ASRGL1: variants seen among roughly 807,000 people sequenced by gnomAD.
ASRGL1 encodes isoaspartyl peptidase/L-asparaginase.
In ASRGL1, 16 loss-of-function variants were observed where a neutral mutation model predicts 22.4. That is an observed-to-expected ratio of 0.71 (90% CI 0.48 to 1.08). The LOEUF (loss-of-function observed/expected upper bound fraction) is 1.08, where lower values mean the gene tolerates loss of function less well. Among genes scored for constraint, ASRGL1 ranks in the 50% least tolerant of loss-of-function variants. The pLI is 0.00. For synonymous variants in ASRGL1, 165 were observed against 159.3 expected (o/e 1.04, Z -0.27); for missense variants, 412 against 410.1 (o/e 1.00, Z -0.04).
chr11:62,385,692 C>T (rs1947184265), intron 4 of ASRGL1, among the ~76,000 whole-genome samples: 1 of 142,912 alleles, frequency 7.0e-6, no homozygotes, highest in African/African-American at 2.6e-5. Flanking sequence ...TGGTGAAACC[C>T]CGTCTCTACT....
At chr11:62,399,932 C>T in the ASRGL1 span, among the ~76,000 whole-genome samples, 5 of 152,328 alleles carry the variant, frequency 3.3e-5, no homozygotes, top group Admixed American at 6.5e-5. Flanking sequence ...TGGGCCTGTG[C>T]TCAAGGATGA....
At chr11:62,342,127 ACAT>A (rs1364209931) in intron 2 of ASRGL1, among the ~76,000 whole-genome samples, 5 of 152,176 alleles carry the variant, frequency 3.3e-5, no homozygotes, top group Non-Finnish European at 5.9e-5. Context: ...ACGGGACCTT[ACAT>A]TTTCTATTTG....
intron 4 of ASRGL1, among the ~76,000 whole-genome samples, chr11:62,384,448 G>A (rs991361488): frequency 4.6e-5 from 7 of 152,058 alleles, no homozygotes; most frequent in Non-Finnish European, 1.5e-5. Context: ...AGGCTGCTGT[G>A]AGCTGAGATG....
intron 4 of ASRGL1, among the ~76,000 whole-genome samples, chr11:62,364,884 C>T (rs932369869): frequency 1.3e-5 from 2 of 151,898 alleles, no homozygotes; most frequent in Admixed American, 6.6e-5. Flanking sequence ...GCCTGGCCAA[C>T]ATGGCGAAAC....
chr11:62,371,267 G>A, intron 4 of ASRGL1: 1 of 1,351,648 alleles, frequency 7.4e-7, no homozygotes, highest in Non-Finnish European at 9.7e-7. Flanking sequence ...TGCAGTAGCA[G>A]CAGTGGTGGC....
At position 62,391,871 on chromosome 11, in the gene ASRGL1, T is replaced by C; in HGVS notation, c.722-208T>C. The C allele has an allele frequency of 6.7e-6, 5 of 741,090 alleles. 1 individual carries two copies. The South Asian group carries it at 9.4e-5, about 14-fold the overall frequency. 45.9% of individuals were successfully genotyped at this position (741,090 alleles called of 1,614,324 possible). A position where few individuals can be genotyped will look rare whatever the true frequency, so the allele number is the denominator to read the frequency against. On this transcript the variant is annotated intron_variant, in intron 6 of 6. Transcript: ENST00000415229. ...GGGGGCAGTAGAGAGACATTGAGCC[T>C]GGATGTGGGAGGGAAGACCCCTCTG...
intron 4 of ASRGL1, chr11:62,372,097 C>G (rs945475391): frequency 1.3e-6 from 1 of 775,496 alleles, no homozygotes; most frequent in African/African-American, 1.7e-5. Flanking sequence ...CTGCACACAG[C>G]CTCCTCATCA....
intron 4 of ASRGL1, among the ~76,000 whole-genome samples, chr11:62,362,559 T>A (rs1194756774): frequency 0.11 from 1,020 of 9,460 alleles, 20 homozygotes; most frequent in Non-Finnish European, 0.16. Context: ...TAACATATAT[T>A]ATTTATATAA....
chr11:62,362,520 T>TA (rs1491433048), intron 4 of ASRGL1, among the ~76,000 whole-genome samples: 1,209 of 44,074 alleles, frequency 0.027, 19 homozygotes, highest in South Asian at 0.038. Flanking sequence ...ACATATATTA[T>TA]TTATATAATA....
intron 4 of ASRGL1, among the ~76,000 whole-genome samples, chr11:62,387,608 A>G (rs1482735524): frequency 6.6e-6 from 1 of 152,228 alleles, no homozygotes; most frequent in Non-Finnish European, 1.5e-5. Flanking sequence ...AGCAGCTGGG[A>G]TGGCATGATT....
At position 62,392,531 on chromosome 11, in the gene ASRGL1, T is replaced by C. The variant is rs1947365777; in HGVS notation, c.*247T>C. ...CTGAGGTGAGCCATGATTACTCCACTGCACTCCAGCCTGGGCAACAGAGCC... is the reference window on the plus strand; with the variant it reads ...CTGAGGTGAGCCATGATTACTCCACCGCACTCCAGCCTGGGCAACAGAGCC... On this transcript the variant is annotated 3_prime_UTR_variant, in exon 7 of 7. Coordinates refer to ENST00000415229, the MANE Select transcript of ASRGL1 (RefSeq NM_001083926.2). 7.5e-6 allele frequency: 4 copies of C among 530,276 alleles called. No homozygotes were observed. The highest frequency in any genetic ancestry group is 6.5e-5 in the East Asian group (2 of 30,662). The allele number at this position is 530,276 out of a possible 1,614,324, so 32.8% of individuals were successfully genotyped here. A position where few individuals can be genotyped will look rare whatever the true frequency, so the allele number is the denominator to read the frequency against.
At chr11:62,387,378 A>T (rs1947240602) in intron 4 of ASRGL1, among the ~76,000 whole-genome samples, 1 of 152,198 alleles carries the variant, frequency 6.6e-6, no homozygotes, top group Non-Finnish European at 1.5e-5. Context: ...GGTACTATTA[A>T]TAATTAAGCC....
At chr11:62,356,195 C>T (rs1023975445) in intron 2 of ASRGL1, 130 bp from the exon 3 acceptor site, 125 of 1,076,478 alleles carry the variant, frequency 1.2e-4, no homozygotes, top group Middle Eastern at 6.4e-4. Flanking sequence ...CCAGTAGGGG[C>T]AGCCGGGCAG....
intron 4 of ASRGL1, among the ~76,000 whole-genome samples, chr11:62,363,136 T>C (rs1946524776): frequency 6.6e-6 from 1 of 151,474 alleles, no homozygotes; most frequent in Non-Finnish European, 1.5e-5. Context: ...GGTTTCACCA[T>C]GTTAGCCAGG....
At chr11:62,385,895 G>A (rs1947189803) in intron 4 of ASRGL1, among the ~76,000 whole-genome samples, 1 of 151,870 alleles carries the variant, frequency 6.6e-6, no homozygotes. Flanking sequence ...CGGGTGCAGT[G>A]GCTTACGCCT....
intron 4 of ASRGL1, chr11:62,382,435 T>C (rs551775708): frequency 6.6e-6 from 1 of 152,190 alleles, no homozygotes; most frequent in African/African-American, 2.4e-5. Context: ...TATGCCTTGA[T>C]GTGCATGTAT....
At position 62,362,645 on chromosome 11, in the gene ASRGL1, T is replaced by TTATATAA. The variant is rs1565162365; in HGVS notation, c.491+5501_491+5502insTATATAA. Among the ~76,000 whole-genome samples, 4 of 48,624 alleles carry TTATATAA rather than the reference T, an allele frequency of 8.2e-5. 1 individual carries two copies. The highest frequency in any genetic ancestry group is 1.1e-4 in the Non-Finnish European group (3 of 27,116). The allele number at this position is 48,624 out of a possible 152,430, so 31.9% of individuals were successfully genotyped here. On this transcript the variant is annotated intron_variant, in intron 4 of 6. Transcript: ENST00000415229. Reference sequence around the variant, plus strand: ...TATTATATAAAATATATATAATATATAATATATATTATATAAAATATATAA... The same window carrying TTATATAA: ...TATTATATAAAATATATATAATATATTATATAAAATATATATTATATAAAATATATAA...
At chr11:62,339,698 T>A (rs1388733229) in intron 2 of ASRGL1, among the ~76,000 whole-genome samples, 1 of 152,234 alleles carries the variant, frequency 6.6e-6, no homozygotes. Flanking sequence ...TCAGTTGAGT[T>A]AAATGAGTTA....
At chr11:62,349,329 T>C (rs1308224521) in intron 2 of ASRGL1, among the ~76,000 whole-genome samples, 1 of 152,236 alleles carries the variant, frequency 6.6e-6, no homozygotes, top group African/African-American at 2.4e-5. Flanking sequence ...GTTATCCTTT[T>C]AACTATAGCC....
Sources: allele counts gnomAD v4.1 joint callset (sites outside exome capture counted in the v4.1 genomes callset), GRCh38; gene constraint gnomAD v4.1.1; transcripts MANE v1.5; gene names NCBI Gene and HGNC (gene_info 2026-07-23, HGNC 2026-07-21).